Variants in MGAT4C observed in about 807,000 individuals in gnomAD.
The protein encoded by MGAT4C is alpha-1,3-mannosyl-glycoprotein 4-beta-N-acetylglucosaminyltransferase C.
In MGAT4C, 19 loss-of-function variants were observed where a neutral mutation model predicts 40.1. The observed-to-expected ratio is 0.47, with a 90% confidence interval of 0.33 to 0.70. The LOEUF is 0.70. Among genes scored for constraint, MGAT4C ranks in the 30% least tolerant of loss-of-function variants. The pLI is 0.02. For synonymous variants in MGAT4C, 181 were observed against 187.1 expected (o/e 0.97, Z 0.27); for missense variants, 491 against 563.2 (o/e 0.87, Z 1.30).
At position 86,545,184 on chromosome 12, in the gene MGAT4C, ATAAATGATGACT is replaced by A. The variant is rs545418729; in HGVS notation, c.-228-109931_-228-109920del. 3.3e-3 allele frequency among the ~76,000 whole-genome samples: 502 copies of A among 152,154 alleles called. 1 individual carries two copies. The highest frequency in any genetic ancestry group is 0.012 in the African/African-American group (483 of 41,566). On this transcript the variant is annotated intron_variant, in intron 2 of 7. Transcript: ENST00000548651. ...GGCATATTAAAATGTAAATCAATTT[ATAAATGATGACT>A]TAAATGATGACTTATACACTTGCTG...
chr12:86,749,055 G>A (rs1409661775), intron 1 of MGAT4C, among the ~76,000 whole-genome samples: 5 of 149,336 alleles, frequency 3.3e-5, no homozygotes, highest in Non-Finnish European at 7.4e-5. Context: ...TTTACATATC[G>A]TAAACCTGCC....
At chr12:86,618,120 A>T (rs534392881) in intron 2 of MGAT4C, among the ~76,000 whole-genome samples, 1 of 152,216 alleles carries the variant, frequency 6.6e-6, no homozygotes, top group South Asian at 2.1e-4. Flanking sequence ...AATCAAAACC[A>T]CAATGAGATA....
chr12:86,078,365 T>G (rs949234285), intron 1 of MGAT4C, among the ~76,000 whole-genome samples: 1 of 152,184 alleles, frequency 6.6e-6, no homozygotes, highest in Non-Finnish European at 1.5e-5. Flanking sequence ...ACTTCTTTAG[T>G]GAGTGCCTTG....
At chr12:86,408,477 CTCTATA>C (rs1420109570) in intron 3 of MGAT4C, among the ~76,000 whole-genome samples, 412 of 97,462 alleles carry the variant, frequency 4.2e-3, no homozygotes, top group Non-Finnish European at 4.8e-3. Context: ...CTCTCTCTCT[CTCTATA>C]TATATATATA....
At chr12:86,255,434 G>C (rs1952475980) in intron 1 of MGAT4C, among the ~76,000 whole-genome samples, 1 of 152,082 alleles carries the variant, frequency 6.6e-6, no homozygotes, top group Non-Finnish European at 1.5e-5. Flanking sequence ...CAGTTCAACA[G>C]CTCTAAATAT....
intron 1 of MGAT4C, among the ~76,000 whole-genome samples, chr12:86,824,753 AAGAG>A (rs145243875): frequency 2.0e-4 from 28 of 143,458 alleles, no homozygotes; most frequent in Admixed American, 9.9e-4. Context: ...AAAAAAAAAA[AAGAG>A]AGAGAGAGAG....
chr12:86,639,976 A>C (rs2136518749), intron 2 of MGAT4C, among the ~76,000 whole-genome samples: 1 of 151,854 alleles, frequency 6.6e-6, no homozygotes, highest in African/African-American at 2.4e-5. Context: ...ATTATGAAAC[A>C]TCATATATAT....
In MGAT4C at chr12:86,465,388, A is replaced by G. The variant is rs190926076; in HGVS notation, c.-228-30123T>C. Among the ~76,000 whole-genome samples the G allele has an allele frequency of 1.8e-3, 268 of 152,276 alleles. 2 individuals are homozygous for G. Among genetic ancestry groups the G allele is most frequent in the African/African-American group, 6.1e-3 (254 of 41,572 alleles). ...AAGAATAGAGATGTTGGACTTCACTAAAATTAAAACTCCTGCTCTGCAAAT... is the reference window on the plus strand; with the variant it reads ...AAGAATAGAGATGTTGGACTTCACTGAAATTAAAACTCCTGCTCTGCAAAT... On this transcript the variant is annotated intron_variant, in intron 2 of 7. Coordinates refer to the MGAT4C transcript ENST00000548651.
chr12:86,292,406 C>G (rs901907597), intron 4 of MGAT4C, among the ~76,000 whole-genome samples: 4 of 149,862 alleles, frequency 2.7e-5, no homozygotes, highest in Non-Finnish European at 4.4e-5. Context: ...ATTTTTCAGT[C>G]TATTATTTAA....
chr12:86,777,551 C>T (rs1262724665), intron 1 of MGAT4C, among the ~76,000 whole-genome samples: 1 of 152,146 alleles, frequency 6.6e-6, no homozygotes, highest in Non-Finnish European at 1.5e-5. Flanking sequence ...CAGCCAGACC[C>T]TCTGAATCTT....
intron 1 of MGAT4C, among the ~76,000 whole-genome samples, chr12:86,747,772 T>G (rs1235539785): frequency 6.8e-6 from 1 of 147,948 alleles, no homozygotes; most frequent in Non-Finnish European, 1.5e-5. Context: ...TGGAAGGAAA[T>G]TTTTTTTTTT....
intron 2 of MGAT4C, among the ~76,000 whole-genome samples, chr12:86,516,963 A>G (rs992511640): frequency 2.6e-5 from 4 of 152,198 alleles, no homozygotes; most frequent in African/African-American, 9.7e-5. Flanking sequence ...ATCATTAGTC[A>G]TTTGAGAGAT....
intron 1 of MGAT4C, among the ~76,000 whole-genome samples, chr12:86,212,665 G>T (rs1950518079): frequency 6.7e-6 from 1 of 149,254 alleles, no homozygotes; most frequent in Non-Finnish European, 1.5e-5. Flanking sequence ...GAGGCGGGCG[G>T]ATCACGAGGT....
At chr12:86,720,075 C>A (rs568276262) in intron 2 of MGAT4C, among the ~76,000 whole-genome samples, 6 of 151,948 alleles carry the variant, frequency 3.9e-5, no homozygotes, top group African/African-American at 1.2e-4. Flanking sequence ...AATGAGAGAG[C>A]CTTGGACTGA....
At chr12:86,484,022 AT>A (rs1957978559) in intron 2 of MGAT4C, among the ~76,000 whole-genome samples, 1 of 151,912 alleles carries the variant, frequency 6.6e-6, no homozygotes, top group Non-Finnish European at 1.5e-5. Flanking sequence ...GCCAGGGCTA[AT>A]TTCCAGTCCA....
chr12:86,024,475 C>T (rs1179217932), intron 2 of MGAT4C, among the ~76,000 whole-genome samples: 1 of 151,558 alleles, frequency 6.6e-6, no homozygotes, highest in Admixed American at 6.6e-5. Context: ...TGTTTCTTTC[C>T]CTTTCTATTT....
At chr12:86,326,971 A>T (rs1378184544) in intron 4 of MGAT4C, among the ~76,000 whole-genome samples, 1 of 152,160 alleles carries the variant, frequency 6.6e-6, no homozygotes, top group East Asian at 1.9e-4. Flanking sequence ...TACTGCTTCA[A>T]ATAGCAGGAC....
chr12:86,417,928 A>T (rs995556544), intron 3 of MGAT4C, among the ~76,000 whole-genome samples: 2 of 152,158 alleles, frequency 1.3e-5, no homozygotes, highest in Non-Finnish European at 2.9e-5. Context: ...TCATTTGCAA[A>T]TGAAAAAACT....
chr12:86,388,715 C>G (rs1161954820), intron 3 of MGAT4C, among the ~76,000 whole-genome samples: 1 of 117,960 alleles, frequency 8.5e-6, no homozygotes, highest in Non-Finnish European at 1.6e-5. Context: ...GAGTCTTGCT[C>G]TTGTTGCCCA....
Sources: allele counts gnomAD v4.1 joint callset (sites outside exome capture counted in the v4.1 genomes callset), GRCh38; gene constraint gnomAD v4.1.1; transcripts MANE v1.5; gene names NCBI Gene and HGNC (gene_info 2026-07-23, HGNC 2026-07-21).